The following ELL variants were observed in gnomAD, a reference collection of about 807,000 sequenced individuals.
ELL encodes the protein elongation factor for RNA polymerase II.
ELL carries 18 observed loss-of-function variants against 64.0 expected under a neutral mutation model. The ratio of observed to expected loss-of-function variants is 0.28; its 90% CI spans 0.19 to 0.42. The LOEUF (loss-of-function observed/expected upper bound fraction) is 0.42. Ranked by LOEUF, ELL falls within the 10% of genes least tolerant of loss-of-function variation. The probability of loss-of-function intolerance (pLI) is 1.00; values close to 1 mark genes in which losing one functional copy is unlikely to be tolerated. For synonymous variants in ELL, 399 were observed against 376.2 expected, an observed-to-expected ratio of 1.06 and a Z score of -0.70; for missense variants, 797 against 870.4, an observed-to-expected ratio of 0.92 and a Z score of 1.06.
intron 1 of ELL, among the ~76,000 whole-genome samples, chr19:18,519,964 A>T (rs1031271635): frequency 1.3e-5 from 2 of 152,180 alleles, no homozygotes; most frequent in Non-Finnish European, 2.9e-5. Context: ...TCTTCTAGGA[A>T]GCCCCTCCTG....
At chr19:18,458,180 G>T in intron 6 of ELL, 25 bp downstream of exon 6, 2 of 1,604,794 alleles carry the variant, frequency 1.2e-6, no homozygotes. Flanking sequence ...GTGGGGACAT[G>T]CTGGGGGATG....
chr19:18,521,056 G>A (rs1048497020), intron 1 of ELL, among the ~76,000 whole-genome samples: 2 of 151,972 alleles, frequency 1.3e-5, no homozygotes, highest in South Asian at 2.1e-4. Flanking sequence ...TGGCAGAACC[G>A]AAACGCCTCA....
chr19:18,453,317 C>T (rs902596533), intron 6 of ELL, among the ~76,000 whole-genome samples: 2 of 152,188 alleles, frequency 1.3e-5, no homozygotes, highest in Admixed American at 6.5e-5. Context: ...GTTTTCGTGT[C>T]CTTGGAAAAA....
At chr19:18,444,947 C>CA in intron 11 of ELL, 79 bp from the exon 12 acceptor site, 1 of 1,477,412 alleles carries the variant, frequency 6.8e-7, no homozygotes, top group Non-Finnish European at 9.1e-7. Context: ...AGTGTCCCCC[C>CA]CAAACCAAAA....
chr19:18,462,960 T>A (rs1463982815), intron 4 of ELL, among the ~76,000 whole-genome samples: 9 of 152,012 alleles, frequency 5.9e-5, no homozygotes, highest in Admixed American at 5.9e-4. Context: ...TTCCCCTCTA[T>A]CCCCAACGCA....
intron 1 of ELL, among the ~76,000 whole-genome samples, chr19:18,511,882 C>A (rs933121761): frequency 6.6e-6 from 1 of 151,338 alleles, no homozygotes; most frequent in African/African-American, 2.4e-5. Context: ...AAGGGCCGGG[C>A]ACAGTGACTC....
intron 5 of ELL, among the ~76,000 whole-genome samples, chr19:18,459,915 G>T (rs1974767181): frequency 6.6e-6 from 1 of 152,192 alleles, no homozygotes; most frequent in Non-Finnish European, 1.5e-5. Context: ...ACTGTGTGCA[G>T]TTTTTTTCAG....
rs1401087373 is a variant in ELL at position 18,444,057 on chromosome 19, C to CCTCT, written c.*691_*694dup. The CCTCT allele has an allele frequency of 4.3e-6, 1 of 231,832 alleles. No homozygotes were observed. The highest frequency in any genetic ancestry group is 2.2e-5 in the African/African-American group (1 of 45,248). The allele number at this position is 231,832 out of a possible 1,614,324, so 14.4% of individuals were successfully genotyped here. ...GGGCAGGCCTGGGGGCGCTGAAAGC[C>CCTCT]CTCTGCCCCCTTGGCTCTGAGCAGC... On this transcript the variant is annotated 3_prime_UTR_variant, in exon 12 of 12. Coordinates refer to ENST00000262809, the MANE Select transcript of ELL (RefSeq NM_006532.4).
chr19:18,445,430 C>T (rs1418226822), intron 10 of ELL, 162 bp from the exon 11 acceptor site: 17 of 690,930 alleles, frequency 2.5e-5, no homozygotes, highest in Non-Finnish European at 4.0e-5. Context: ...GCTGTAGCTC[C>T]GGAGTGGGTG....
chr19:18,446,787 C>G lies in ELL; in HGVS notation c.1493G>C (p.Ser498Thr), dbSNP rs1209955571. 1 of 1,613,986 alleles carries G rather than the reference C, an allele frequency of 6.2e-7. No individual in the cohort carries two copies. The highest frequency in any genetic ancestry group is 1.7e-5 in the Admixed American group (1 of 59,998). The change falls in exon 9 of 12, where the codon AGT (serine) becomes ACT (threonine). Residue 498 changes from serine (S) to threonine (T), a missense_variant. Transcript: ENST00000262809. ...CGTCTCCGACGTGGACGTGGGAACA[C>G]TGGAAACGCTGCAGGTTCCGTTTAA... ...PGLNGTCSVS[S>T]VPTSTSETPD...
chr19:18,487,775 C>T lies in ELL; in HGVS notation c.136-14893G>A, dbSNP rs568611435. Among the ~76,000 whole-genome samples the T allele has an allele frequency of 2.0e-5, 3 of 152,354 alleles. No homozygotes were observed. In the East Asian group the frequency reaches 5.8e-4, roughly 29 times the overall value. ...AGTTGAGCACATGGCTTCTAACAGG[C>T]CCAGGTGCTTACCTTCGGAACAACG... is the stretch of plus-strand genomic sequence containing the variant. On this transcript the variant is annotated intron_variant, in intron 1 of 11. Coordinates refer to ENST00000262809, the MANE Select transcript of ELL (RefSeq NM_006532.4).
intron 1 of ELL, among the ~76,000 whole-genome samples, chr19:18,506,177 C>T (rs1975880559): frequency 6.6e-6 from 1 of 152,232 alleles, no homozygotes; most frequent in African/African-American, 2.4e-5. Context: ...GCAGCTGGGT[C>T]TGAAGCCTGG....
chr19:18,446,572 C>T, intron 9 of ELL, 92 bp from the exon 10 acceptor site: 1 of 1,528,468 alleles, frequency 6.5e-7, no homozygotes, highest in Non-Finnish European at 8.8e-7. Flanking sequence ...GCGGCCTGGC[C>T]TCTCGGGTGA....
chr19:18,475,278 T>G (rs1175825685), intron 1 of ELL, among the ~76,000 whole-genome samples: 1 of 152,060 alleles, frequency 6.6e-6, no homozygotes, highest in Non-Finnish European at 1.5e-5. Context: ...ATAAAAATAT[T>G]TTAAAAAATA....
intron 1 of ELL, among the ~76,000 whole-genome samples, chr19:18,512,958 A>G (rs1298046437): frequency 6.6e-6 from 1 of 152,208 alleles, no homozygotes; most frequent in Non-Finnish European, 1.5e-5. Context: ...CACGGGGCGC[A>G]ACAACAGCAT....
chr19:18,467,179 G>T (rs1365223243), intron 2 of ELL, among the ~76,000 whole-genome samples: 1 of 152,146 alleles, frequency 6.6e-6, no homozygotes, highest in Non-Finnish European at 1.5e-5. Context: ...TCGGCCACTT[G>T]GGGCAGGAAG....
Position 18,465,491 on chromosome 19 carries a change from C to T in ELL, c.390G>A (p.Ala130=), listed in dbSNP as rs200975338. The part of the protein sequence containing the change: ...VCATDDSYQK[A]RQSMAQAEEE... ...CCTCCGCCTGGGCCATGCTCTGCCG[C>T]GCCTTCTGGTAGGAGTCGTCGGTGG... Residue 130 remains alanine, a synonymous_variant, in exon 4 of 12, where the codon GCG becomes GCA. Coordinates refer to ENST00000262809, the MANE Select transcript of ELL (RefSeq NM_006532.4). 361 of 1,613,160 alleles carry T rather than the reference C, an allele frequency of 2.2e-4. No homozygotes were observed. The highest frequency in any genetic ancestry group is 3.3e-4 in the Middle Eastern group (2 of 6,062).
intron 4 of ELL, among the ~76,000 whole-genome samples, chr19:18,463,965 G>A (rs1425835415): frequency 4.7e-5 from 7 of 147,736 alleles, no homozygotes; most frequent in African/African-American, 1.0e-4. Context: ...CAGCCTGGGC[G>A]ACAGACCGCG....
At position 18,445,075 on chromosome 19, in the gene ELL, G is replaced by A. The variant is rs533340789; in HGVS notation, c.1749+149C>T. On this transcript the variant is annotated intron_variant, in intron 11 of 11. Coordinates refer to ENST00000262809, the MANE Select transcript of ELL (RefSeq NM_006532.4). ...GGATGCCACAGCTGAAGACTTAGCT[G>A]GGGGTGGTGGGGCAACTTTGGCCTC... 6.1e-5 allele frequency: 73 copies of A among 1,191,484 alleles called. No individual in the cohort carries two copies. The East Asian group carries it at 1.7e-3, about 27-fold the overall frequency. The allele number at this position is 1,191,484 out of a possible 1,614,324, so 73.8% of individuals were successfully genotyped here. A position where few individuals can be genotyped will look rare whatever the true frequency, so the allele number is the denominator to read the frequency against.
Sources: gnomAD v4.1 joint callset for allele counts (sites outside exome capture counted in the v4.1 genomes callset) on GRCh38, gnomAD v4.1.1 for gene constraint, MANE v1.5 for transcripts, NCBI Gene and HGNC (gene_info 2026-07-23, HGNC 2026-07-21) for gene names.